The following NXPE2 variants were observed in gnomAD, a reference collection of about 807,000 sequenced individuals.
NXPE2 encodes neurexophilin and PC-esterase domain family member 2.
NXPE2 carries 34 observed loss-of-function variants against 34.4 expected under a neutral mutation model. That is an observed-to-expected ratio of 0.99 (90% CI 0.75 to 1.31). The LOEUF is 1.31. Ranked by LOEUF, NXPE2 falls within the 40% of genes most tolerant of loss-of-function variation. NXPE2 has a pLI of 0.00. For synonymous variants in NXPE2, 235 were observed against 231.3 expected (o/e 1.02, Z -0.15); for missense variants, 649 against 672.5 (o/e 0.97, Z 0.39).
intron 2 of NXPE2, among the ~76,000 whole-genome samples, chr11:114,681,607 C>T (rs1950951020): frequency 6.6e-6 from 1 of 152,144 alleles, no homozygotes; most frequent in African/African-American, 2.4e-5. Context: ...TAACACCAGA[C>T]ACATCCCCAC....
At chr11:114,464,646 G>A in the NXPE2 span, among the ~76,000 whole-genome samples, 301 of 152,032 alleles carry the variant, frequency 2.0e-3, no homozygotes, top group African/African-American at 6.9e-3. Context: ...ACATAGATAG[G>A]AATGAATTTA....
chr11:114,551,172 C>A, the NXPE2 span: 1 of 1,535,034 alleles, frequency 6.5e-7, no homozygotes, highest in South Asian at 1.2e-5. Flanking sequence ...AGATCAGCAG[C>A]GTTTTTTGAA....
At chr11:114,803,118 G>GT in the NXPE2 span, among the ~76,000 whole-genome samples, 20 of 152,344 alleles carry the variant, frequency 1.3e-4, no homozygotes, top group Admixed American at 8.5e-4. Flanking sequence ...GCCAGAGGCA[G>GT]GGGCCACACG....
chr11:114,481,898 C>G, the NXPE2 span, among the ~76,000 whole-genome samples: 1 of 152,126 alleles, frequency 6.6e-6, no homozygotes, highest in Non-Finnish European at 1.5e-5. Flanking sequence ...TATACACCAC[C>G]CTTCCTATAC....
At chr11:114,621,643 G>A in the NXPE2 span, among the ~76,000 whole-genome samples, 1 of 152,154 alleles carries the variant, frequency 6.6e-6, no homozygotes, top group African/African-American at 2.4e-5. Context: ...GTATTGCCTT[G>A]TGGGTTACCA....
the NXPE2 span, chr11:114,582,733 G>A: frequency 1.6e-4 from 260 of 1,614,106 alleles, no homozygotes; most frequent in South Asian, 6.4e-4. Context: ...TGCTTCCTGC[G>A]TCCCAAGTGG....
the NXPE2 span, among the ~76,000 whole-genome samples, chr11:114,725,976 A>ATATATATATATATATATATATATATAT: frequency 1.9e-3 from 191 of 101,410 alleles, 17 homozygotes; most frequent in East Asian, 6.9e-3. Flanking sequence ...ATAAAAAAAA[A>ATATATATATATATATATATATATATAT]ATATATATAT....
chr11:114,580,242 C>T, the NXPE2 span: 84 of 1,613,844 alleles, frequency 5.2e-5, no homozygotes, highest in Non-Finnish European at 1.7e-5. Context: ...AGCCAAACTA[C>T]AGGAGACAGG....
the NXPE2 span, among the ~76,000 whole-genome samples, chr11:114,612,100 G>C: frequency 4.6e-5 from 7 of 151,432 alleles, no homozygotes; most frequent in South Asian, 1.5e-3. Flanking sequence ...TTGAGTCACG[G>C]GTAACCACTG....
the NXPE2 span, among the ~76,000 whole-genome samples, chr11:114,603,273 A>T: frequency 1.3e-5 from 2 of 150,214 alleles, no homozygotes; most frequent in African/African-American, 2.5e-5. Context: ...TTCCTGGTGG[A>T]TGATAAGTAT....
chr11:114,735,638 CAT>C, the NXPE2 span, among the ~76,000 whole-genome samples: 1 of 152,174 alleles, frequency 6.6e-6, no homozygotes, highest in Non-Finnish European at 1.5e-5. Context: ...TGTCATCATT[CAT>C]ATGTGCTAAC....
At chr11:114,766,709 T>A in the NXPE2 span, among the ~76,000 whole-genome samples, 2 of 152,190 alleles carry the variant, frequency 1.3e-5, no homozygotes, top group Non-Finnish European at 2.9e-5. Flanking sequence ...CTCTCAGTGT[T>A]CAGGTTCATG....
At chr11:114,601,498 A>G in the NXPE2 span, among the ~76,000 whole-genome samples, 1 of 31,030 alleles carries the variant, frequency 3.2e-5, no homozygotes, top group Non-Finnish European at 7.2e-5. Context: ...TTTATTATAT[A>G]GTATATAAAT....
the NXPE2 span, chr11:114,528,017 T>G: frequency 7.6e-6 from 5 of 659,814 alleles, no homozygotes; most frequent in South Asian, 1.1e-4. Context: ...GAAGCTGTTA[T>G]TATTGTTGTA....
chr11:114,745,752 G>A, the NXPE2 span, among the ~76,000 whole-genome samples: 105 of 152,074 alleles, frequency 6.9e-4, 1 homozygote, highest in African/African-American at 2.4e-3. Context: ...AACTAGATAT[G>A]AAAAAGTATA....
the NXPE2 span, chr11:114,529,334 C>A: frequency 7.9e-5 from 12 of 152,638 alleles, 1 homozygote; most frequent in South Asian, 2.5e-3. Context: ...GCTCACAGTT[C>A]TGGGATTTGT....
the NXPE2 span, among the ~76,000 whole-genome samples, chr11:114,767,218 C>G: frequency 6.6e-6 from 1 of 152,114 alleles, no homozygotes; most frequent in Non-Finnish European, 1.5e-5. Context: ...AATAATAGCA[C>G]TTTATAAATA....
the NXPE2 span, among the ~76,000 whole-genome samples, chr11:114,723,774 G>GA: frequency 6.6e-6 from 1 of 152,138 alleles, no homozygotes; most frequent in Non-Finnish European, 1.5e-5. Flanking sequence ...CACTGATTCT[G>GA]AAAATGATGT....
chr11:114,695,556 A>C lies in NXPE2; in HGVS notation c.133-2489A>C, dbSNP rs1951233792. 2.6e-5 allele frequency among the ~76,000 whole-genome samples: 4 copies of C among 152,284 alleles called. No individual in the cohort carries two copies. The South Asian group carries it at 8.3e-4, about 32-fold the overall frequency. On this transcript the variant is annotated intron_variant, in intron 2 of 5. Transcript: ENST00000389586. ...GTTCTCCTTGTTAAGGAGAACAGAG[A>C]CTTCTGGTACATTTTAAAATAGTGG...
Sources: gnomAD v4.1 joint callset for allele counts (sites outside exome capture counted in the v4.1 genomes callset) on GRCh38, gnomAD v4.1.1 for gene constraint, MANE v1.5 for transcripts, NCBI Gene and HGNC (gene_info 2026-07-23, HGNC 2026-07-21) for gene names.